The following WDFY3 variants were observed in gnomAD, a reference collection of about 807,000 sequenced individuals.
The protein encoded by WDFY3 is WD repeat and FYVE domain-containing protein 3.
In WDFY3, 66 loss-of-function variants were observed where a neutral mutation model predicts 409.6. The observed-to-expected ratio is 0.16, with a 90% confidence interval of 0.13 to 0.20. The LOEUF is 0.20. WDFY3 is among the 10% of genes least tolerant of loss of function. The probability of loss-of-function intolerance (pLI) is 1.00; values close to 1 mark genes in which losing one functional copy is unlikely to be tolerated. For missense variants in WDFY3, 3,031 were observed against 4,298.1 expected (o/e 0.71, Z 8.24); for synonymous variants, 1,521 against 1,537.1 (o/e 0.99, Z 0.25).
At chr4:84,886,822 A>G (rs1398164494) in intron 3 of WDFY3, among the ~76,000 whole-genome samples, 1 of 152,150 alleles carries the variant, frequency 6.6e-6, no homozygotes, top group Non-Finnish European at 1.5e-5. Flanking sequence ...GAATACCAAC[A>G]TTGTTCTGGT....
intron 5 of WDFY3, among the ~76,000 whole-genome samples, chr4:84,847,859 T>C (rs1290859158): frequency 2.5e-5 from 2 of 78,800 alleles, no homozygotes; most frequent in African/African-American, 1.0e-4. Context: ...CCCAAAATAA[T>C]AGAAACCAGT....
In WDFY3 at chr4:84,896,905, A is replaced by C. The variant is rs1765715289; in HGVS notation, c.-32+6T>G. ...AAACCCACAATTTTTCTTCCCAGAG[A>C]CTGACCTTTAGGGAATTCCTTGGGT... On this transcript the variant is annotated splice_donor_region_variant and intron_variant, in intron 3 of 67. Transcript: ENST00000295888. 1 of 152,168 alleles carries C rather than the reference A, an allele frequency of 6.6e-6. No individual in the cohort carries two copies. Among genetic ancestry groups the C allele is most frequent in the Non-Finnish European group, 1.5e-5 (1 of 68,018 alleles). The allele number at this position is 152,168 out of a possible 1,614,324, so 9.4% of individuals were successfully genotyped here. A position where few individuals can be genotyped will look rare whatever the true frequency, so the allele number is the denominator to read the frequency against.
At position 84,921,179 on chromosome 4, in the gene WDFY3, A is replaced by T. The variant is rs143755531; in HGVS notation, c.-132+11091T>A. On this transcript the variant is annotated intron_variant, in intron 2 of 67. Coordinates refer to ENST00000295888, the MANE Select transcript of WDFY3 (RefSeq NM_014991.6). The stretch of plus-strand genomic sequence containing the variant: ...GGTATAACATAATTGATATAGTCAT[A>T]AAACAACTGCAAGAGCCTTCTCGGA... Among the ~76,000 whole-genome samples, 647 of 152,308 alleles carry T rather than the reference A, an allele frequency of 4.2e-3. 9 individuals carry two copies. In the South Asian group the frequency reaches 0.044, roughly 10 times the overall value.
chr4:84,750,139 T>A lies in WDFY3; in HGVS notation c.5973+1344A>T, dbSNP rs75737287. On this transcript the variant is annotated intron_variant, in intron 36 of 67. Coordinates refer to ENST00000295888, the MANE Select transcript of WDFY3 (RefSeq NM_014991.6). ...TCCTATTATTTTCCAATAAACTATT[T>A]CACTTTTTCATAAAATGCTTCAAAT... is the stretch of plus-strand genomic sequence containing the variant. Among the ~76,000 whole-genome samples, 1,275 of 152,280 alleles carry A rather than the reference T, an allele frequency of 8.4e-3. 23 individuals carry two copies. The highest frequency in any genetic ancestry group is 0.029 in the African/African-American group (1,204 of 41,548).
At position 84,716,956 on chromosome 4, in the gene WDFY3, T is replaced by C. The variant is rs377182667; in HGVS notation, c.7815A>G (p.Thr2605=). The C allele has an allele frequency of 1.9e-4, 299 of 1,609,052 alleles. 1 individual carries two copies. The Middle Eastern group carries it at 2.0e-3, about 11-fold the overall frequency. The change falls in exon 49 of 68, where the codon ACA becomes ACG. Residue 2605 remains threonine (T), a synonymous_variant. Coordinates refer to ENST00000295888, the MANE Select transcript of WDFY3 (RefSeq NM_014991.6). ...TATCTTCATATGCAAAAATGCTGCA[T>C]GTTCTCTTGAGTTGACTAGGGCCTT... The part of the protein sequence containing the change: ...ARQGPSQLKR[T]CSIFAYEDIK...
chr4:84,817,820 T>C (rs1008165780), intron 12 of WDFY3, among the ~76,000 whole-genome samples: 2 of 152,188 alleles, frequency 1.3e-5, no homozygotes, highest in African/African-American at 4.8e-5. Context: ...TGCCGTGATA[T>C]GTTCACCATG....
At chr4:84,955,154 G>C (rs2151152913) in intron 1 of WDFY3, among the ~76,000 whole-genome samples, 1 of 151,276 alleles carries the variant, frequency 6.6e-6, no homozygotes, top group East Asian at 1.9e-4. Context: ...AGTGAGCTGA[G>C]ATTGTGCCAC....
At chr4:84,962,440 A>G (rs1196634823) in intron 1 of WDFY3, among the ~76,000 whole-genome samples, 2 of 152,180 alleles carry the variant, frequency 1.3e-5, no homozygotes, top group Admixed American at 6.5e-5. Context: ...GACGAGATAA[A>G]ACTTTAAGAG....
intron 2 of WDFY3, among the ~76,000 whole-genome samples, chr4:84,926,187 A>T (rs1190943539): frequency 1.4e-5 from 2 of 144,892 alleles, no homozygotes; most frequent in African/African-American, 5.0e-5. Flanking sequence ...CCTGGGCGAC[A>T]GAGTGAGACT....
At chr4:84,901,054 T>C (rs1766275190) in intron 2 of WDFY3, among the ~76,000 whole-genome samples, 1 of 152,144 alleles carries the variant, frequency 6.6e-6, no homozygotes, top group South Asian at 2.1e-4. Context: ...TGCTGCATCC[T>C]CTGGAGGGGA....
intron 50 of WDFY3, among the ~76,000 whole-genome samples, chr4:84,713,645 T>A (rs1051530243): frequency 6.6e-6 from 1 of 152,134 alleles, no homozygotes; most frequent in African/African-American, 2.4e-5. Flanking sequence ...TTATTCCTCA[T>A]GGAAATAATC....
intron 1 of WDFY3, among the ~76,000 whole-genome samples, chr4:84,947,733 T>C (rs1045559056): frequency 8.3e-5 from 11 of 131,990 alleles, no homozygotes; most frequent in African/African-American, 3.0e-5. Flanking sequence ...AAAAAAAACA[T>C]TAGCCAGGCA....
Position 84,690,629 on chromosome 4 carries a change from G to T in WDFY3, c.9240C>A (p.Gly3080=). The change falls in exon 61 of 68, where the codon GGC becomes GGA. Residue 3080 remains glycine, a synonymous_variant. Transcript: ENST00000295888. The part of the protein sequence containing the change: ...MTVYECLSEW[G]QILCAICPNP... Reference sequence around the variant, plus strand: ...TGGGGCAGATTGCACAGAGAATCTGGCCCCACTCAGACAAGCATTCATAAA... The same window carrying T: ...TGGGGCAGATTGCACAGAGAATCTGTCCCCACTCAGACAAGCATTCATAAA... 6.2e-7 allele frequency: 1 copy of T among 1,613,968 alleles called. No individual in the cohort carries two copies. The highest frequency in any genetic ancestry group is 1.1e-5 in the South Asian group (1 of 91,044).
chr4:84,756,782 T>C (rs1361682726), intron 33 of WDFY3, 144 bp downstream of exon 33: 30 of 1,012,790 alleles, frequency 3.0e-5, no homozygotes, highest in Non-Finnish European at 4.1e-5. Context: ...TCTGTGGTAT[T>C]TTCAGATTTT....
intron 44 of WDFY3, among the ~76,000 whole-genome samples, chr4:84,728,716 G>C (rs143045268): frequency 6.6e-6 from 1 of 152,158 alleles, no homozygotes; most frequent in African/African-American, 2.4e-5. Context: ...ATACAGTGTT[G>C]ATTTAATACA....
intron 36 of WDFY3, 77 bp from the exon 37 acceptor site, chr4:84,743,876 A>G: frequency 2.2e-6 from 2 of 910,818 alleles, no homozygotes; most frequent in South Asian, 5.6e-5. Flanking sequence ...TACATTACCT[A>G]ATATATTAAA....
chr4:84,817,890 C>T (rs1021755652), intron 12 of WDFY3, among the ~76,000 whole-genome samples: 3 of 152,080 alleles, frequency 2.0e-5, no homozygotes, highest in Non-Finnish European at 4.4e-5. Flanking sequence ...AGGAGACTCT[C>T]TATTGTAATC....
chr4:84,720,726 C>T (rs1189490069), intron 47 of WDFY3, among the ~76,000 whole-genome samples: 1 of 152,156 alleles, frequency 6.6e-6, no homozygotes. Flanking sequence ...CTTGTAGAAG[C>T]GTTGAGCCAA....
intron 40 of WDFY3, among the ~76,000 whole-genome samples, chr4:84,738,062 A>C (rs1737767758): frequency 6.6e-6 from 1 of 152,202 alleles, no homozygotes; most frequent in Non-Finnish European, 1.5e-5. Context: ...TAGGGTTCAA[A>C]ACATTTTGGT....
Sources: allele counts gnomAD v4.1 joint callset (sites outside exome capture counted in the v4.1 genomes callset), GRCh38; gene constraint gnomAD v4.1.1; transcripts MANE v1.5; gene names NCBI Gene and HGNC (gene_info 2026-07-23, HGNC 2026-07-21).